AGBL4: variants seen among roughly 807,000 people sequenced by gnomAD.
AGBL4 encodes the protein AGBL carboxypeptidase 4.
A neutral mutation model predicts 66.4 loss-of-function variants in AGBL4; 58 were observed. The ratio of observed to expected loss-of-function variants is 0.87; its 90% CI spans 0.71 to 1.09. AGBL4 has a LOEUF of 1.09. Ranked by LOEUF, AGBL4 falls within the 50% of genes least tolerant of loss-of-function variation. The pLI is 0.00. For missense variants in AGBL4, 579 were observed against 631.0 expected (o/e 0.92, Z 0.88); for synonymous variants, 234 against 222.9 (o/e 1.05, Z -0.44).
chr1:49,368,107 T>C (rs935806780), intron 3 of AGBL4, among the ~76,000 whole-genome samples: 2 of 152,234 alleles, frequency 1.3e-5, no homozygotes, highest in African/African-American at 2.4e-5. Context: ...CATTCTTTTA[T>C]GGCCGAATAA....
At chr1:49,461,830 T>C (rs1033812049) in intron 3 of AGBL4, among the ~76,000 whole-genome samples, 1 of 151,840 alleles carries the variant, frequency 6.6e-6, no homozygotes, top group Non-Finnish European at 1.5e-5. Flanking sequence ...TAGTATTCCA[T>C]TATGTATACG....
intron 5 of AGBL4, among the ~76,000 whole-genome samples, chr1:49,032,628 C>A (rs1481607384): frequency 6.6e-6 from 1 of 152,066 alleles, no homozygotes; most frequent in Admixed American, 6.6e-5. Context: ...CATTGCAATG[C>A]TGAGATATCT....
At chr1:49,590,958 A>C (rs889033634) in intron 3 of AGBL4, among the ~76,000 whole-genome samples, 3 of 152,134 alleles carry the variant, frequency 2.0e-5, no homozygotes, top group African/African-American at 7.2e-5. Flanking sequence ...ATATGTTAGC[A>C]GAATAAAAAT....
intron 4 of AGBL4, among the ~76,000 whole-genome samples, chr1:49,180,485 T>G (rs1372881309): frequency 1.3e-5 from 2 of 152,254 alleles, no homozygotes. Flanking sequence ...CTCAGAAAGG[T>G]TAAATCATCT....
intron 5 of AGBL4, among the ~76,000 whole-genome samples, chr1:48,958,312 C>T (rs910422050): frequency 3.3e-5 from 5 of 152,206 alleles, no homozygotes; most frequent in African/African-American, 1.2e-4. Context: ...CTCAATTCCA[C>T]TTCAGAGAGG....
intron 3 of AGBL4, among the ~76,000 whole-genome samples, chr1:49,405,824 C>T (rs1223386320): frequency 1.3e-5 from 2 of 152,188 alleles, no homozygotes; most frequent in Non-Finnish European, 2.9e-5. Context: ...CCCTATGTTT[C>T]TGTCAGAATG....
intron 6 of AGBL4, among the ~76,000 whole-genome samples, chr1:48,720,648 T>C (rs1647131064): frequency 1.3e-5 from 2 of 152,194 alleles, no homozygotes; most frequent in African/African-American, 4.8e-5. Context: ...CAATAAATAT[T>C]AGTTAATTAA....
chr1:48,704,061 A>G (rs1394707716), intron 6 of AGBL4, among the ~76,000 whole-genome samples: 4 of 152,234 alleles, frequency 2.6e-5, no homozygotes, highest in Non-Finnish European at 4.4e-5. Flanking sequence ...GAACCTGTAC[A>G]GCATGGTACT....
chr1:49,954,491 A>G (rs1452780215), intron 1 of AGBL4, among the ~76,000 whole-genome samples: 1 of 151,926 alleles, frequency 6.6e-6, no homozygotes, highest in Non-Finnish European at 1.5e-5. Context: ...CTGCCATAAG[A>G]TGACACAGCA....
chr1:48,668,361 C>G (rs1646222911), intron 6 of AGBL4, among the ~76,000 whole-genome samples: 1 of 152,162 alleles, frequency 6.6e-6, no homozygotes, highest in African/African-American at 2.4e-5. Flanking sequence ...TAGGAGCATA[C>G]CACTTCCTCT....
intron 1 of AGBL4, among the ~76,000 whole-genome samples, chr1:49,960,095 A>G (rs1279885037): frequency 6.6e-6 from 1 of 152,030 alleles, no homozygotes; most frequent in East Asian, 1.9e-4. Flanking sequence ...TGCTGAAATT[A>G]TCTGTACATC....
chr1:49,406,899 A>G (rs1645212180), intron 3 of AGBL4, among the ~76,000 whole-genome samples: 1 of 151,940 alleles, frequency 6.6e-6, no homozygotes, highest in Non-Finnish European at 1.5e-5. Flanking sequence ...CCCCGTCTGT[A>G]TTAAAAATAC....
chr1:49,947,984 A>T (rs1655432109), intron 1 of AGBL4, among the ~76,000 whole-genome samples: 1 of 101,844 alleles, frequency 9.8e-6, no homozygotes, highest in East Asian at 2.5e-4. Flanking sequence ...TTATAAATAT[A>T]TATTTATATA....
At chr1:49,719,450 C>A (rs1336620301) in intron 2 of AGBL4, among the ~76,000 whole-genome samples, 1 of 152,116 alleles carries the variant, frequency 6.6e-6, no homozygotes, top group Non-Finnish European at 1.5e-5. Context: ...TCTCTCTTTC[C>A]ATAGTAAATC....
intron 5 of AGBL4, among the ~76,000 whole-genome samples, chr1:49,012,856 C>A (rs957924148): frequency 6.6e-6 from 1 of 152,130 alleles, no homozygotes; most frequent in Non-Finnish European, 1.5e-5. Context: ...GAGGTGGGAC[C>A]TGTAAGAGAT....
At chr1:49,232,516 T>A (rs1320161134) in intron 4 of AGBL4, among the ~76,000 whole-genome samples, 1 of 151,834 alleles carries the variant, frequency 6.6e-6, no homozygotes, top group Non-Finnish European at 1.5e-5. Context: ...GGCTAACACG[T>A]TGAAACCCTG....
chr1:49,534,171 C>CAAA lies in AGBL4; in HGVS notation c.282+163139_282+163141dup, dbSNP rs71059553. On this transcript the variant is annotated intron_variant, in intron 3 of 13. Coordinates refer to ENST00000371839, the MANE Select transcript of AGBL4 (RefSeq NM_032785.4). ...TGAAGCAGGGATCAACACCATTTTA[C>CAAA]AAAAAAAAAAAAAAAAAAAAAAAAG... Among the ~76,000 whole-genome samples, 261 of 66,918 alleles carry CAAA rather than the reference C, an allele frequency of 3.9e-3. 16 individuals carry two copies. The highest frequency in any genetic ancestry group is 5.3e-3 in the Non-Finnish European group (204 of 38,406). The allele number at this position is 66,918 out of a possible 152,430, so 43.9% of individuals were successfully genotyped here. A position where few individuals can be genotyped will look rare whatever the true frequency, so the allele number is the denominator to read the frequency against.
At chr1:49,062,496 T>C (rs1644421048) in intron 4 of AGBL4, among the ~76,000 whole-genome samples, 1 of 152,216 alleles carries the variant, frequency 6.6e-6, no homozygotes, top group South Asian at 2.1e-4. Context: ...AATCACTAAG[T>C]ACATAATTTG....
intron 3 of AGBL4, among the ~76,000 whole-genome samples, chr1:49,421,027 A>C (rs1490808234): frequency 6.6e-6 from 1 of 152,202 alleles, no homozygotes; most frequent in Non-Finnish European, 1.5e-5. Context: ...ATTTCTCACT[A>C]TAACAAATTC....
Sources: gnomAD v4.1 joint callset for allele counts (sites outside exome capture counted in the v4.1 genomes callset) on GRCh38, gnomAD v4.1.1 for gene constraint, MANE v1.5 for transcripts, NCBI Gene and HGNC (gene_info 2026-07-23, HGNC 2026-07-21) for gene names.